The following FAM135B variants were observed in gnomAD, a reference collection of about 807,000 sequenced individuals.
FAM135B encodes protein FAM135B.
A neutral mutation model predicts 127.7 loss-of-function variants in FAM135B; 43 were observed. The observed-to-expected ratio is 0.34, with a 90% CI of 0.26 to 0.43. The LOEUF is 0.43. Ranked by LOEUF, FAM135B falls within the 20% of genes least tolerant of loss-of-function variation. FAM135B has a pLI of 1.00. For missense variants in FAM135B, 1,558 were observed against 1,725.6 expected (o/e 0.90, Z 1.72); for synonymous variants, 670 against 665.1 (o/e 1.01, Z -0.11).
At chr8:138,263,093 A>T (rs901972585) in intron 4 of FAM135B, among the ~76,000 whole-genome samples, 12 of 152,018 alleles carry the variant, frequency 7.9e-5, no homozygotes, top group African/African-American at 2.9e-4. Flanking sequence ...AGCAAATGGT[A>T]TGCTGGCAAA....
intron 9 of FAM135B, among the ~76,000 whole-genome samples, 156 bp from the exon 10 acceptor site, chr8:138,178,846 T>C (rs1296642385): frequency 1.3e-5 from 2 of 152,172 alleles, no homozygotes; most frequent in Non-Finnish European, 2.9e-5. Flanking sequence ...CATAGTACTA[T>C]AGGATCATGT....
intron 1 of FAM135B, among the ~76,000 whole-genome samples, chr8:138,390,398 C>T (rs1832488854): frequency 6.6e-6 from 1 of 152,098 alleles, no homozygotes; most frequent in African/African-American, 2.4e-5. Flanking sequence ...CTCTTGTCTG[C>T]CGTCATGTAA....
chr8:138,426,035 A>G (rs1834857464), intron 1 of FAM135B, among the ~76,000 whole-genome samples: 1 of 77,434 alleles, frequency 1.3e-5, no homozygotes, highest in Non-Finnish European at 2.3e-5. Flanking sequence ...ATATACACAC[A>G]CACACACACA....
intron 1 of FAM135B, among the ~76,000 whole-genome samples, chr8:138,470,195 C>T (rs1837602394): frequency 6.6e-6 from 1 of 152,072 alleles, no homozygotes; most frequent in African/African-American, 2.4e-5. Context: ...GGAGAAAACA[C>T]AAAACTTTAG....
intron 1 of FAM135B, among the ~76,000 whole-genome samples, chr8:138,467,953 G>C (rs1371599966): frequency 6.6e-6 from 1 of 152,182 alleles, no homozygotes; most frequent in Non-Finnish European, 1.5e-5. Flanking sequence ...GAAGTATTTA[G>C]AGTATACTGT....
intron 1 of FAM135B, among the ~76,000 whole-genome samples, chr8:138,418,668 C>A (rs1011356523): frequency 6.6e-6 from 1 of 152,000 alleles, no homozygotes; most frequent in South Asian, 2.1e-4. Flanking sequence ...AAAGAAATTC[C>A]AGCCAAGAAT....
intron 1 of FAM135B, chr8:138,440,652 A>T (rs1321232154): frequency 6.6e-6 from 1 of 151,792 alleles, no homozygotes; most frequent in Non-Finnish European, 1.5e-5. Context: ...CACCTTACCC[A>T]ATACTTTTTT....
intron 1 of FAM135B, among the ~76,000 whole-genome samples, chr8:138,392,689 T>C (rs1241084242): frequency 1.3e-5 from 2 of 152,224 alleles, no homozygotes; most frequent in African/African-American, 4.8e-5. Context: ...TAGTGTCTTC[T>C]GAGCATCTAG....
chr8:138,271,626 T>C (rs1823383252), intron 3 of FAM135B, among the ~76,000 whole-genome samples: 1 of 152,328 alleles, frequency 6.6e-6, no homozygotes, highest in East Asian at 1.9e-4. Flanking sequence ...TGTAAATGAA[T>C]GTTTCATCTT....
chr8:138,214,167 C>T (rs1478488282), intron 7 of FAM135B, among the ~76,000 whole-genome samples: 3 of 152,112 alleles, frequency 2.0e-5, no homozygotes, highest in Admixed American at 6.5e-5. Flanking sequence ...AACAGAGATC[C>T]CAGGAAATGA....
At chr8:138,315,707 A>G (rs1428565435) in intron 2 of FAM135B, among the ~76,000 whole-genome samples, 1 of 152,192 alleles carries the variant, frequency 6.6e-6, no homozygotes, top group African/African-American at 2.4e-5. Context: ...ATTATCAACA[A>G]CATGGATGAA....
At chr8:138,365,019 G>C (rs1218890853) in intron 2 of FAM135B, among the ~76,000 whole-genome samples, 1 of 151,950 alleles carries the variant, frequency 6.6e-6, no homozygotes, top group East Asian at 1.9e-4. Flanking sequence ...GGTGATTTTT[G>C]AATTTTTGGT....
intron 2 of FAM135B, among the ~76,000 whole-genome samples, chr8:138,346,190 T>G (rs375358034): frequency 6.6e-6 from 1 of 152,218 alleles, no homozygotes. Context: ...GGAACACTTT[T>G]ACACTGTTGG....
intron 1 of FAM135B, among the ~76,000 whole-genome samples, chr8:138,419,895 G>T (rs1034007211): frequency 6.6e-6 from 1 of 151,962 alleles, no homozygotes; most frequent in African/African-American, 2.4e-5. Context: ...GTTACAGAAA[G>T]GTCTCAAATT....
At chr8:138,437,696 T>A (rs1412947133) in intron 1 of FAM135B, 1 of 152,212 alleles carries the variant, frequency 6.6e-6, no homozygotes, top group African/African-American at 2.4e-5. Context: ...GCTTTCAAAC[T>A]GAGTGTCCAG....
At chr8:138,376,464 G>A (rs1288214965) in intron 1 of FAM135B, among the ~76,000 whole-genome samples, 1 of 152,094 alleles carries the variant, frequency 6.6e-6, no homozygotes, top group East Asian at 1.9e-4. Flanking sequence ...TCACTGCAGA[G>A]GCAGATCTCG....
At chr8:138,351,342 G>A (rs1377054956) in intron 2 of FAM135B, among the ~76,000 whole-genome samples, 2 of 152,158 alleles carry the variant, frequency 1.3e-5, no homozygotes, top group African/African-American at 4.8e-5. Flanking sequence ...TATAAAAGGG[G>A]AAGTTTGGAC....
chr8:138,272,701 G>T (rs1174350974), intron 3 of FAM135B, among the ~76,000 whole-genome samples: 1 of 152,230 alleles, frequency 6.6e-6, no homozygotes, highest in Non-Finnish European at 1.5e-5. Context: ...TAAAAGGCCA[G>T]TGTGTTGCCT....
intron 19 of FAM135B, among the ~76,000 whole-genome samples, chr8:138,134,676 G>T (rs992591877): frequency 2.0e-5 from 3 of 151,668 alleles, no homozygotes; most frequent in African/African-American, 4.8e-5. Flanking sequence ...AAAAATATTG[G>T]TACTTCTTCC....
Sources: gnomAD v4.1 joint callset for allele counts (sites outside exome capture counted in the v4.1 genomes callset) on GRCh38, gnomAD v4.1.1 for gene constraint, MANE v1.5 for transcripts, NCBI Gene and HGNC (gene_info 2026-07-23, HGNC 2026-07-21) for gene names.